Variants in TAB2 observed in about 807,000 individuals in gnomAD.
TAB2 encodes the protein TGF-beta-activated kinase 1 and MAP3K7-binding protein 2.
TAB2 carries 3 observed loss-of-function variants against 65.0 expected under a neutral mutation model. That is an observed-to-expected ratio of 0.05 (90% CI 0.02 to 0.12). TAB2 has a LOEUF of 0.12. TAB2 is among the 10% of genes least tolerant of loss of function. TAB2 has a pLI of 1.00. For missense variants in TAB2, 623 were observed against 840.3 expected, an observed-to-expected ratio of 0.74 and a Z score of 3.20; for synonymous variants, 298 against 285.1, an observed-to-expected ratio of 1.05 and a Z score of -0.46.
chr6:149,384,802 A>G (rs887973923), intron 3 of TAB2, among the ~76,000 whole-genome samples: 9 of 152,320 alleles, frequency 5.9e-5, no homozygotes, highest in African/African-American at 2.2e-4. Context: ...AAGCATTCCA[A>G]CAAATTTTCA....
At chr6:149,396,024 C>A (rs543055980) in intron 3 of TAB2, among the ~76,000 whole-genome samples, 1 of 152,144 alleles carries the variant, frequency 6.6e-6, no homozygotes, top group South Asian at 2.1e-4. Context: ...CTGTCTCCCC[C>A]TACCCGCCCC....
Position 149,370,110 on chromosome 6 carries a change from A to G in TAB2, c.102+11A>G. 1 of 1,609,442 alleles carries G rather than the reference A, an allele frequency of 6.2e-7. No homozygotes were observed. The highest frequency in any genetic ancestry group is 1.3e-5 in the African/African-American group (1 of 74,960). On this transcript the variant is annotated intron_variant, in intron 2 of 6. Coordinates refer to ENST00000637181, the MANE Select transcript of TAB2 (RefSeq NM_001292034.3). ...AGGTGCATGTTACAGGTCAGTGTTC[A>G]ATGATTTCTGAATTTGTTAATACAA...
intron 3 of TAB2, among the ~76,000 whole-genome samples, chr6:149,393,269 G>T (rs904734021): frequency 2.6e-5 from 4 of 152,132 alleles, no homozygotes; most frequent in Non-Finnish European, 4.4e-5. Flanking sequence ...AAAGTGGAAA[G>T]AAATGCCTCA....
intron 1 of TAB2, among the ~76,000 whole-genome samples, chr6:149,223,427 A>G (rs559381388): frequency 6.6e-6 from 1 of 151,986 alleles, no homozygotes; most frequent in South Asian, 2.1e-4. Context: ...GATTCTAAGA[A>G]CCCCTGTGAT....
rs1403221837 is a variant in TAB2 at position 149,410,110 on chromosome 6, C to T, written c.*391C>T. The T allele has an allele frequency of 7.6e-6, 2 of 264,826 alleles. No homozygotes were observed. Among genetic ancestry groups the T allele is most frequent in the Non-Finnish European group, 1.5e-5 (2 of 136,132 alleles). The allele number at this position is 264,826 out of a possible 1,614,324, so 16.4% of individuals were successfully genotyped here. A position where few individuals can be genotyped will look rare whatever the true frequency, so the allele number is the denominator to read the frequency against. Reference sequence around the variant, plus strand: ...TAGCTTGTTTTATTTGTAAAGCTTTCAGTGAAACACTACATACACGAAGAA... The same window carrying T: ...TAGCTTGTTTTATTTGTAAAGCTTTTAGTGAAACACTACATACACGAAGAA... On this transcript the variant is annotated 3_prime_UTR_variant, in exon 7 of 7. Transcript: ENST00000637181.
intron 6 of TAB2, among the ~76,000 whole-genome samples, chr6:149,399,523 G>C (rs1477464308): frequency 7.6e-6 from 1 of 131,462 alleles, no homozygotes; most frequent in African/African-American, 2.7e-5. Flanking sequence ...AGATACCTTA[G>C]GGAAGTTCCC....
chr6:149,229,009 G>A (rs1186438936), intron 1 of TAB2, among the ~76,000 whole-genome samples: 1 of 152,212 alleles, frequency 6.6e-6, no homozygotes, highest in Non-Finnish European at 1.5e-5. Flanking sequence ...ATGGAAAAAA[G>A]GGGGAAATAA....
Position 149,263,346 on chromosome 6 carries a change from C to T in TAB2, c.-121+44570C>T, listed in dbSNP as rs74425022. 5.0e-3 allele frequency among the ~76,000 whole-genome samples: 766 copies of T among 152,202 alleles called. 5 individuals carry two copies. The highest frequency in any genetic ancestry group is 0.018 in the African/African-American group (737 of 41,514). On this transcript the variant is annotated intron_variant, in intron 1 of 1. Transcript: ENST00000606202. The stretch of plus-strand genomic sequence containing the variant: ...GAAATAAATTGGTAGTTATCTATAT[C>T]GAAACAATTTTTTTTACCTAAATTT...
At chr6:149,384,774 T>G (rs181915318) in intron 3 of TAB2, among the ~76,000 whole-genome samples, 1 of 152,288 alleles carries the variant, frequency 6.6e-6, no homozygotes, top group East Asian at 1.9e-4. Context: ...CTGGCAACTT[T>G]TATAGGTATG....
At chr6:149,387,397 C>G (rs1781839839) in intron 3 of TAB2, among the ~76,000 whole-genome samples, 1 of 152,076 alleles carries the variant, frequency 6.6e-6, no homozygotes, top group Admixed American at 6.6e-5. Context: ...TTTTGGCACC[C>G]CTGTAAAAAA....
intron 1 of TAB2, among the ~76,000 whole-genome samples, chr6:149,324,154 T>C (rs1779532425): frequency 6.6e-6 from 1 of 152,024 alleles, no homozygotes; most frequent in Non-Finnish European, 1.5e-5. Flanking sequence ...GTGCTCCTAG[T>C]ACAAGTCACA....
chr6:149,267,732 A>G (rs966669358), intron 1 of TAB2, among the ~76,000 whole-genome samples: 1 of 152,114 alleles, frequency 6.6e-6, no homozygotes, highest in East Asian at 1.9e-4. Context: ...CTACACACCC[A>G]GGCTATATCG....
chr6:149,335,876 A>G (rs1433516096), intron 1 of TAB2, among the ~76,000 whole-genome samples: 1 of 152,082 alleles, frequency 6.6e-6, no homozygotes, highest in East Asian at 1.9e-4. Context: ...AGATTTTACA[A>G]TATATTATGT....
chr6:149,272,043 A>T (rs1042784736), intron 1 of TAB2, among the ~76,000 whole-genome samples: 11 of 152,112 alleles, frequency 7.2e-5, no homozygotes, highest in African/African-American at 2.4e-5. Context: ...GAAGTCATTG[A>T]GTAATTGCCC....
At chr6:149,351,220 T>C (rs755538553) in intron 1 of TAB2, among the ~76,000 whole-genome samples, 4 of 152,214 alleles carry the variant, frequency 2.6e-5, no homozygotes, top group Non-Finnish European at 5.9e-5. Flanking sequence ...GAGTTTGTCA[T>C]GTAGCTTTGT....
intron 6 of TAB2, chr6:149,401,058 A>G (rs1782391168): frequency 5.2e-6 from 1 of 191,752 alleles, no homozygotes; most frequent in African/African-American, 2.4e-5. Context: ...AACAAAAAAA[A>G]ATTCTCACAT....
At chr6:149,371,278 C>T (rs932328943) in intron 2 of TAB2, among the ~76,000 whole-genome samples, 20 of 152,182 alleles carry the variant, frequency 1.3e-4, no homozygotes, top group Admixed American at 9.2e-4. Context: ...TCCAATCTAT[C>T]CTCTTCTGCC....
intron 5 of TAB2, among the ~76,000 whole-genome samples, chr6:149,398,721 ATTTAC>A (rs1253855323): frequency 2.6e-5 from 4 of 152,090 alleles, no homozygotes; most frequent in Non-Finnish European, 5.9e-5. Context: ...AGGTTTTTAT[ATTTAC>A]TTGAGGTAAA....
intron 1 of TAB2, among the ~76,000 whole-genome samples, chr6:149,265,192 CTTT>C (rs35409891): frequency 7.9e-5 from 11 of 139,658 alleles, no homozygotes; most frequent in Admixed American, 7.2e-5. Context: ...GTTCAGAACC[CTTT>C]TTTTTTTTTT....
Sources: gnomAD v4.1 joint callset for allele counts (sites outside exome capture counted in the v4.1 genomes callset) on GRCh38, gnomAD v4.1.1 for gene constraint, MANE v1.5 for transcripts, NCBI Gene and HGNC (gene_info 2026-07-23, HGNC 2026-07-21) for gene names.